ZDHHC15: variants seen among roughly 807,000 people sequenced by gnomAD.
ZDHHC15 encodes zDHHC palmitoyltransferase 15.
A neutral mutation model predicts 31.7 loss-of-function variants in ZDHHC15; 19 were observed. That is an observed-to-expected ratio of 0.60 (90% CI 0.42 to 0.88). The LOEUF is 0.88. ZDHHC15 is among the 40% of genes least tolerant of loss of function. The pLI, the probability that ZDHHC15 is intolerant of heterozygous loss-of-function variation, is 0.00. For synonymous variants in ZDHHC15, 103 were observed against 90.0 expected, an observed-to-expected ratio of 1.14 and a Z score of -0.82; for missense variants, 209 against 251.2, an observed-to-expected ratio of 0.83 and a Z score of 1.14.
chrX:75,518,837 A>T (rs2085405210), intron 1 of ZDHHC15, among the ~76,000 whole-genome samples: 1 of 95,638 alleles, frequency 1.0e-5, no homozygotes, highest in African/African-American at 3.8e-5. Flanking sequence ...ACACACACAC[A>T]CACACACACA....
At position 75,429,027 on chromosome X, in the gene ZDHHC15, G is replaced by T. The variant is rs754528752; in HGVS notation, c.603+51C>A. 2.5e-6 allele frequency: 3 copies of T among 1,187,937 alleles called. No individual in the cohort carries two copies. The South Asian group carries it at 5.6e-5, about 22-fold the overall frequency. The stretch of plus-strand genomic sequence containing the variant: ...AGAGGGTGAACAATGTCACAAGTTG[G>T]AGTGGGTGTGCATTTGTTCTAGGGG... On this transcript the variant is annotated intron_variant, in intron 7 of 11. Transcript: ENST00000373367.
chrX:75,505,870 G>GAGACAGAC (rs769365939), intron 1 of ZDHHC15, 23 bp from the exon 2 acceptor site: 1 of 1,163,366 alleles, frequency 8.6e-7, no homozygotes, highest in Non-Finnish European at 1.2e-6. Context: ...AGGAGAAAGA[G>GAGACAGAC]AGACAGACAG....
intron 10 of ZDHHC15, among the ~76,000 whole-genome samples, chrX:75,410,924 C>T (rs1393864213): frequency 8.9e-6 from 1 of 112,026 alleles, no homozygotes; most frequent in African/African-American, 3.2e-5. Flanking sequence ...ACGTTAAAAT[C>T]CTGTCATTTG....
chrX:75,467,697 C>A (rs1438698293), intron 3 of ZDHHC15, among the ~76,000 whole-genome samples: 3 of 112,469 alleles, frequency 2.7e-5, no homozygotes, highest in Non-Finnish European at 5.6e-5. Flanking sequence ...AGACTTTCTA[C>A]TGGCCTACAA....
intron 1 of ZDHHC15, among the ~76,000 whole-genome samples, chrX:75,506,864 T>C (rs1228648688): frequency 8.9e-6 from 1 of 111,917 alleles, no homozygotes; most frequent in East Asian, 2.8e-4. Flanking sequence ...AGCTGATAAA[T>C]TGCTGTTTGG....
chrX:75,432,270 C>G (rs1019282562), intron 4 of ZDHHC15, among the ~76,000 whole-genome samples: 15 of 110,767 alleles, frequency 1.4e-4, no homozygotes, highest in Non-Finnish European at 2.8e-4. Context: ...CTCTCATTTT[C>G]TAGATGTTCA....
chrX:75,513,144 G>A (rs1329632888), intron 1 of ZDHHC15, among the ~76,000 whole-genome samples: 1 of 110,309 alleles, frequency 9.1e-6, no homozygotes, highest in Non-Finnish European at 1.9e-5. Context: ...AATTCAAGAT[G>A]GATTAAAGAT....
intron 9 of ZDHHC15, among the ~76,000 whole-genome samples, chrX:75,418,958 G>C (rs2083584474): frequency 8.9e-6 from 1 of 112,073 alleles, no homozygotes; most frequent in Non-Finnish European, 1.9e-5. Context: ...TTGGCAAATG[G>C]GATTTGATTA....
chrX:75,506,966 G>C (rs1446344985), intron 1 of ZDHHC15, among the ~76,000 whole-genome samples: 1 of 111,298 alleles, frequency 9.0e-6, no homozygotes, highest in African/African-American at 3.3e-5. Context: ...AGTACTGTGG[G>C]TGAGGGAAAG....
Position 75,431,539 on chromosome X carries a change from G to A in ZDHHC15, c.380-19C>T. Reference sequence around the variant, plus strand: ...CGTACAGCTATAAAAAAAAAAATAAGGTGGTTAGCACTTGTTAGGGCTCAA... The same window carrying A: ...CGTACAGCTATAAAAAAAAAAATAAAGTGGTTAGCACTTGTTAGGGCTCAA... On this transcript the variant is annotated intron_variant, in intron 4 of 11. Coordinates refer to ENST00000373367, the MANE Select transcript of ZDHHC15 (RefSeq NM_144969.3). 1 of 1,189,313 alleles carries A rather than the reference G, an allele frequency of 8.4e-7. No individual in the cohort carries two copies. The highest frequency in any genetic ancestry group is 1.1e-6 in the Non-Finnish European group (1 of 878,634).
At chrX:75,510,240 G>A (rs1209538201) in intron 1 of ZDHHC15, among the ~76,000 whole-genome samples, 1 of 111,568 alleles carries the variant, frequency 9.0e-6, no homozygotes, top group Non-Finnish European at 1.9e-5. Context: ...GGATGGAGGT[G>A]CAGAAATTTG....
intron 10 of ZDHHC15, among the ~76,000 whole-genome samples, chrX:75,407,431 G>T (rs1248690582): frequency 9.4e-6 from 1 of 106,326 alleles, no homozygotes; most frequent in Non-Finnish European, 2.0e-5. Context: ...GCCCTGCCCA[G>T]GAGGGAGGTG....
intron 2 of ZDHHC15, among the ~76,000 whole-genome samples, chrX:75,489,609 AC>A (rs1409173011): frequency 6.3e-5 from 7 of 111,800 alleles, no homozygotes; most frequent in Non-Finnish European, 9.4e-5. Flanking sequence ...ATCATCAAAG[AC>A]CAAAGGTAGA....
At chrX:75,450,118 T>C in intron 4 of ZDHHC15, among the ~76,000 whole-genome samples, 1 of 111,930 alleles carries the variant, frequency 8.9e-6, no homozygotes, top group East Asian at 2.8e-4. Context: ...AATAAAAAAA[T>C]ACACAAAAAA....
intron 3 of ZDHHC15, among the ~76,000 whole-genome samples, chrX:75,474,433 TTA>T (rs753564700): frequency 0.034 from 1,729 of 50,951 alleles, 49 homozygotes; most frequent in African/African-American, 0.087. Flanking sequence ...AAACTCCCCT[TTA>T]TATATATATA....
At chrX:75,493,195 A>T (rs1309661573) in intron 2 of ZDHHC15, among the ~76,000 whole-genome samples, 1 of 112,053 alleles carries the variant, frequency 8.9e-6, no homozygotes, top group African/African-American at 3.2e-5. Flanking sequence ...GAAATAGATA[A>T]ATTCCTCGAC....
chrX:75,507,273 G>A (rs1194694313), intron 1 of ZDHHC15, among the ~76,000 whole-genome samples: 1 of 111,350 alleles, frequency 9.0e-6, no homozygotes, highest in Non-Finnish European at 1.9e-5. Context: ...TGTTGTAGAG[G>A]ACATTCAGAC....
chrX:75,415,432 T>G (rs143633365), intron 10 of ZDHHC15, among the ~76,000 whole-genome samples: 32 of 112,084 alleles, frequency 2.9e-4, no homozygotes, highest in African/African-American at 9.1e-4. Flanking sequence ...TAAAGGCACC[T>G]TACAGTTTAT....
chrX:75,463,089 C>A (rs1438670491), intron 3 of ZDHHC15, among the ~76,000 whole-genome samples: 1 of 111,632 alleles, frequency 9.0e-6, no homozygotes, highest in Non-Finnish European at 1.9e-5. Context: ...GATATCACCA[C>A]TGATCCCACA....
Sources: allele counts gnomAD v4.1 joint callset (sites outside exome capture counted in the v4.1 genomes callset), GRCh38; gene constraint gnomAD v4.1.1; transcripts MANE v1.5; gene names NCBI Gene and HGNC (gene_info 2026-07-23, HGNC 2026-07-21).